The following GALNT2 variants were observed in gnomAD, a reference collection of about 807,000 sequenced individuals.
GALNT2 encodes polypeptide N-acetylgalactosaminyltransferase 2, also known as UDP-GalNAc:polypeptide N-acetylgalactosaminyltransferase 2.
GALNT2 carries 31 observed loss-of-function variants against 81.4 expected under a neutral mutation model. The observed-to-expected ratio is 0.38, with a 90% CI of 0.29 to 0.51. The LOEUF (loss-of-function observed/expected upper bound fraction) is 0.51, where lower values mean the gene tolerates loss of function less well. GALNT2 is among the 20% of genes least tolerant of loss of function. The pLI is 0.87. For synonymous variants in GALNT2, 303 were observed against 287.4 expected (o/e 1.05, Z -0.55); for missense variants, 629 against 765.7 (o/e 0.82, Z 2.11).
intron 1 of GALNT2, among the ~76,000 whole-genome samples, chr1:230,061,316 C>G (rs1455116790): frequency 6.6e-6 from 1 of 152,026 alleles, no homozygotes; most frequent in African/African-American, 2.4e-5. Flanking sequence ...CATTCTGTAT[C>G]TCCCTTCTTC....
At chr1:230,247,355 A>G (rs1219922256) in intron 8 of GALNT2, among the ~76,000 whole-genome samples, 2 of 152,186 alleles carry the variant, frequency 1.3e-5, no homozygotes, top group African/African-American at 4.8e-5. Context: ...CCCCGTCATC[A>G]TGGGCAGGCC....
chr1:230,136,342 TC>T (rs1661537510), intron 1 of GALNT2, among the ~76,000 whole-genome samples: 1 of 152,190 alleles, frequency 6.6e-6, no homozygotes, highest in Admixed American at 6.5e-5. Context: ...GCACCAGCCA[TC>T]CTCTGATAAC....
chr1:230,068,040 C>T (rs1395693642), intron 1 of GALNT2, among the ~76,000 whole-genome samples: 1 of 152,222 alleles, frequency 6.6e-6, no homozygotes, highest in South Asian at 2.1e-4. Flanking sequence ...CCCGGCCGTT[C>T]CCTTGCGGCC....
intron 1 of GALNT2, among the ~76,000 whole-genome samples, chr1:230,141,385 C>G (rs79145426): frequency 1.3e-5 from 2 of 152,160 alleles, no homozygotes; most frequent in African/African-American, 4.8e-5. Flanking sequence ...AGTATCCTCA[C>G]GCATCCACAG....
At chr1:230,169,173 G>A (rs1020561607) in intron 1 of GALNT2, among the ~76,000 whole-genome samples, 3 of 152,204 alleles carry the variant, frequency 2.0e-5, no homozygotes, top group Admixed American at 6.5e-5. Flanking sequence ...GAGAGAAAGG[G>A]AAGTTTAGTA....
At chr1:230,180,008 C>T (rs1032599360) in intron 2 of GALNT2, among the ~76,000 whole-genome samples, 6 of 152,180 alleles carry the variant, frequency 3.9e-5, no homozygotes, top group Non-Finnish European at 7.3e-5. Flanking sequence ...CAACCTCCAC[C>T]TCCCAGGTTC....
intron 1 of GALNT2, chr1:230,092,075 C>T (rs1483464941): frequency 6.6e-6 from 1 of 152,080 alleles, no homozygotes; most frequent in Non-Finnish European, 1.5e-5. Context: ...CTGACTAATA[C>T]ATCTGACTTT....
At chr1:230,246,297 C>G (rs944658639) in intron 8 of GALNT2, 147 bp downstream of exon 8, 3 of 652,400 alleles carry the variant, frequency 4.6e-6, no homozygotes, top group Non-Finnish European at 8.2e-6. Context: ...GTGTGCTTAA[C>G]GAGTAGGACT....
intron 1 of GALNT2, among the ~76,000 whole-genome samples, chr1:230,153,849 G>A (rs1296692194): frequency 6.6e-6 from 1 of 152,184 alleles, no homozygotes; most frequent in East Asian, 1.9e-4. Context: ...TCTGTGGAGG[G>A]GTCTGGTGGA....
At chr1:230,189,716 C>G (rs558290280) in intron 2 of GALNT2, among the ~76,000 whole-genome samples, 1 of 152,196 alleles carries the variant, frequency 6.6e-6, no homozygotes, top group Non-Finnish European at 1.5e-5. Context: ...TGGCATTAAG[C>G]GCATTCACAG....
At chr1:230,268,282 G>T (rs867281075) in intron 14 of GALNT2, 1 of 151,728 alleles carries the variant, frequency 6.6e-6, no homozygotes, top group Non-Finnish European at 1.5e-5. Context: ...GATAATTCGT[G>T]TAGGGTTGGG....
At chr1:230,190,580 C>A (rs1365980425) in intron 2 of GALNT2, among the ~76,000 whole-genome samples, 2 of 152,330 alleles carry the variant, frequency 1.3e-5, no homozygotes, top group Non-Finnish European at 1.5e-5. Context: ...TCTCTCCACA[C>A]ACGCCCATCT....
intron 2 of GALNT2, among the ~76,000 whole-genome samples, chr1:230,202,003 G>A (rs1663908226): frequency 1.3e-5 from 2 of 152,140 alleles, no homozygotes; most frequent in East Asian, 3.8e-4. Flanking sequence ...GTTGTTGGTG[G>A]TGTTTATTAT....
rs188991362 is a variant in GALNT2 at position 230,266,086 on chromosome 1, C to T, written c.1440+719C>T. ...GCGGGCACCTGTAATCCCAGCTACCCGAGAGGCTGAGGCAGGAGAATTGCC... is the reference window on the plus strand; with the variant it reads ...GCGGGCACCTGTAATCCCAGCTACCTGAGAGGCTGAGGCAGGAGAATTGCC... On this transcript the variant is annotated intron_variant, in intron 14 of 15. Transcript: ENST00000366672. 8.1e-3 allele frequency among the ~76,000 whole-genome samples: 1,228 copies of T among 152,150 alleles called. 11 individuals are homozygous for T. Among genetic ancestry groups the T allele is most frequent in the Middle Eastern group, 0.014 (4 of 294 alleles).
At chr1:230,277,744 G>C (rs1186649575) in intron 15 of GALNT2, among the ~76,000 whole-genome samples, 2 of 152,154 alleles carry the variant, frequency 1.3e-5, no homozygotes, top group South Asian at 4.1e-4. Context: ...GCCTGCACCG[G>C]CTCCTCCCTG....
chr1:230,265,601 C>CAGCG (rs1666012406), intron 14 of GALNT2, among the ~76,000 whole-genome samples: 1 of 152,242 alleles, frequency 6.6e-6, no homozygotes, highest in African/African-American at 2.4e-5. Context: ...GGCTCTGCTG[C>CAGCG]AGCGGCAAGG....
At chr1:230,113,142 G>A (rs905447817) in intron 1 of GALNT2, among the ~76,000 whole-genome samples, 5 of 152,124 alleles carry the variant, frequency 3.3e-5, no homozygotes, top group African/African-American at 1.2e-4. Context: ...GCATCTGGAG[G>A]GAGGGATAGA....
chr1:230,071,958 A>G (rs1659388784), intron 1 of GALNT2, among the ~76,000 whole-genome samples: 1 of 152,198 alleles, frequency 6.6e-6, no homozygotes, highest in African/African-American at 2.4e-5. Context: ...ATGAAAAAGC[A>G]ACTGCTTTAC....
At chr1:230,095,004 A>G (rs150843599) in intron 1 of GALNT2, among the ~76,000 whole-genome samples, 10 of 152,320 alleles carry the variant, frequency 6.6e-5, no homozygotes, top group Admixed American at 1.3e-4. Context: ...GTCGTAGTTC[A>G]CGGTCACAGG....
Sources: gnomAD v4.1 joint callset for allele counts (sites outside exome capture counted in the v4.1 genomes callset) on GRCh38, gnomAD v4.1.1 for gene constraint, MANE v1.5 for transcripts, NCBI Gene and HGNC (gene_info 2026-07-23, HGNC 2026-07-21) for gene names.